The following CDK13 variants were observed in gnomAD, a reference collection of about 807,000 sequenced individuals.
CDK13 encodes the protein cyclin-dependent kinase 13.
CDK13 carries 40 observed loss-of-function variants against 137.6 expected under a neutral mutation model. The observed-to-expected ratio is 0.29, with a 90% CI of 0.23 to 0.38. CDK13 has a LOEUF of 0.38. Among genes scored for constraint, CDK13 ranks in the 10% least tolerant of loss-of-function variants. The pLI, the probability that CDK13 is intolerant of heterozygous loss-of-function variation, is 1.00. For missense variants in CDK13, 1,704 were observed against 1,951.8 expected, an observed-to-expected ratio of 0.87 and a Z score of 2.39; for synonymous variants, 869 against 760.1, an observed-to-expected ratio of 1.14 and a Z score of -2.36.
chr7:40,094,052 TA>T, intron 13 of CDK13, 77 bp from the exon 14 acceptor site: 1 of 1,503,452 alleles, frequency 6.7e-7, no homozygotes, highest in South Asian at 1.3e-5. Context: ...TAGAACTACC[TA>T]CAGGAAACAC....
intron 1 of CDK13, chr7:39,952,754 C>T (rs1787272438): frequency 6.6e-6 from 1 of 152,144 alleles, no homozygotes; most frequent in Admixed American, 6.5e-5. Flanking sequence ...ATATCAGGAT[C>T]TTTGTCCAGA....
In CDK13 at chr7:39,988,163, A is replaced by G. The variant is rs1784381214; in HGVS notation, c.1776A>G (p.Gly592=). The G allele has an allele frequency of 6.2e-7, 1 of 1,614,156 alleles. No individual in the cohort carries two copies. Among genetic ancestry groups the G allele is most frequent in the African/African-American group, 1.3e-5 (1 of 75,038 alleles). ...EKTKPLTPSI[G]AKEKEQHVAL... ...CCAAACCACTTACACCAAGCATAGGAGCCAAGGAGAAGGAGCAACATGTAG... is the reference window on the plus strand; with the variant it reads ...CCAAACCACTTACACCAAGCATAGGGGCCAAGGAGAAGGAGCAACATGTAG... Residue 592 remains glycine (G), a synonymous_variant, in exon 2 of 14, where the codon GGA becomes GGG. Coordinates refer to ENST00000181839, the MANE Select transcript of CDK13 (RefSeq NM_003718.5).
chr7:39,965,799 G>T (rs929881533), intron 1 of CDK13, among the ~76,000 whole-genome samples: 1 of 152,124 alleles, frequency 6.6e-6, no homozygotes, highest in African/African-American at 2.4e-5. Context: ...AGGAGCTCTT[G>T]TAGGGCAGGC....
At chr7:39,988,301 A>G (rs1305747224) in intron 2 of CDK13, 43 bp downstream of exon 2, 1 of 1,486,898 alleles carries the variant, frequency 6.7e-7, no homozygotes, top group African/African-American at 1.4e-5. Flanking sequence ...CAAAGAAAAA[A>G]TGTAAGTCTG....
intron 5 of CDK13, among the ~76,000 whole-genome samples, chr7:40,027,655 C>CTTTTT (rs761581418): frequency 3.3e-5 from 3 of 89,718 alleles, no homozygotes; most frequent in African/African-American, 1.6e-4. Context: ...CACCCTTGGG[C>CTTTTT]TTTTTTTTTT....
intron 1 of CDK13, chr7:39,985,335 TG>T (rs1250502024): frequency 6.4e-6 from 1 of 155,986 alleles, no homozygotes; most frequent in Non-Finnish European, 1.4e-5. Flanking sequence ...AGTACTAGAT[TG>T]TTTATATGTA....
rs919398877 is a variant in CDK13 at position 39,962,574 on chromosome 7, T to C, written c.1211+10722T>C. ...TAGATTGCAGAAATTTTCTCCCATT[T>C]TGTAGGTTGCCTGTTCACTCTGATG... On this transcript the variant is annotated intron_variant, in intron 1 of 13. Coordinates refer to ENST00000181839, the MANE Select transcript of CDK13 (RefSeq NM_003718.5). Among the ~76,000 whole-genome samples, 4 of 152,180 alleles carry C rather than the reference T, an allele frequency of 2.6e-5. 1 individual carries two copies. The highest frequency in any genetic ancestry group is 6.5e-5 in the Admixed American group (1 of 15,280).
intron 12 of CDK13, among the ~76,000 whole-genome samples, chr7:40,089,426 C>T (rs1233667931): frequency 1.1e-4 from 14 of 122,330 alleles, no homozygotes; most frequent in African/African-American, 3.1e-4. Context: ...GGTGACAGAG[C>T]GAGACTGTCT....
chr7:40,091,029 G>A (rs1004595954), intron 12 of CDK13, among the ~76,000 whole-genome samples: 4 of 151,668 alleles, frequency 2.6e-5, no homozygotes, highest in African/African-American at 9.7e-5. Flanking sequence ...TGGCCAACAT[G>A]GCAAAACCAT....
intron 12 of CDK13, chr7:40,092,550 T>G: frequency 2.1e-6 from 1 of 473,896 alleles, no homozygotes; most frequent in East Asian, 3.6e-5. Context: ...TGATTTTCCT[T>G]TTGAAGTATT....
chr7:40,067,130 G>A (rs1786297750), intron 9 of CDK13: 1 of 152,140 alleles, frequency 6.6e-6, no homozygotes, highest in Non-Finnish European at 1.5e-5. Flanking sequence ...TCTCTTTATA[G>A]TTAAGAAAAC....
At chr7:40,058,524 ACT>A (rs2150524312) in intron 7 of CDK13, among the ~76,000 whole-genome samples, 1 of 128,872 alleles carries the variant, frequency 7.8e-6, no homozygotes, top group African/African-American at 3.0e-5. Context: ...ACAGAGCGAG[ACT>A]CTGTCTCAAA....
At chr7:40,035,758 A>C (rs1785467597) in intron 5 of CDK13, among the ~76,000 whole-genome samples, 1 of 151,928 alleles carries the variant, frequency 6.6e-6, no homozygotes, top group East Asian at 1.9e-4. Flanking sequence ...GAATCATCCC[A>C]AAACCATCCC....
intron 1 of CDK13, among the ~76,000 whole-genome samples, chr7:39,967,582 A>G (rs1384740098): frequency 6.6e-6 from 1 of 152,178 alleles, no homozygotes; most frequent in East Asian, 1.9e-4. Flanking sequence ...TCCTAAGCAT[A>G]CTGATTTCAG....
intron 1 of CDK13, among the ~76,000 whole-genome samples, chr7:39,981,134 A>G (rs978403093): frequency 2.0e-5 from 3 of 152,184 alleles, no homozygotes; most frequent in Non-Finnish European, 4.4e-5. Flanking sequence ...CCCTAGGCCA[A>G]AGTGGACAGA....
chr7:40,048,435 T>C (rs1785798337), intron 7 of CDK13: 1 of 152,184 alleles, frequency 6.6e-6, no homozygotes, highest in African/African-American at 2.4e-5. Context: ...TTATTAAAAC[T>C]AATATGGGAT....
chr7:39,962,626 G>A (rs1783773842), intron 1 of CDK13, among the ~76,000 whole-genome samples: 1 of 152,122 alleles, frequency 6.6e-6, no homozygotes, highest in African/African-American at 2.4e-5. Flanking sequence ...TGTGGAAGCT[G>A]TTTAGTTTAA....
At chr7:39,996,327 C>T (rs1784559870) in intron 2 of CDK13, among the ~76,000 whole-genome samples, 2 of 152,070 alleles carry the variant, frequency 1.3e-5, no homozygotes, top group South Asian at 4.1e-4. Context: ...TATGTGAAGT[C>T]CAAATTTTAT....
chr7:39,992,103 A>G (rs796957193), intron 2 of CDK13, among the ~76,000 whole-genome samples: 328 of 97,172 alleles, frequency 3.4e-3, no homozygotes, highest in East Asian at 0.027. Flanking sequence ...ACACACACAC[A>G]CGCACACACA....
Sources: gnomAD v4.1 joint callset for allele counts (sites outside exome capture counted in the v4.1 genomes callset) on GRCh38, gnomAD v4.1.1 for gene constraint, MANE v1.5 for transcripts, NCBI Gene and HGNC (gene_info 2026-07-23, HGNC 2026-07-21) for gene names.